The following POLQ variants were observed in gnomAD, a reference collection of about 807,000 sequenced individuals.
POLQ encodes the protein epididymis secretory sperm binding protein.
In POLQ, 233 loss-of-function variants were observed where a neutral mutation model predicts 259.2. The observed-to-expected ratio is 0.90, with a 90% CI of 0.81 to 1.00. The LOEUF is 1.00. Among genes scored for constraint, POLQ ranks in the 50% least tolerant of loss-of-function variants. The pLI is 0.00. For missense variants in POLQ, 2,871 were observed against 3,051.6 expected, an observed-to-expected ratio of 0.94 and a Z score of 1.39; for synonymous variants, 1,025 against 1,048.8, an observed-to-expected ratio of 0.98 and a Z score of 0.44.
At chr3:121,436,421 G>T in intron 27 of POLQ, 146 bp from the exon 28 acceptor site, 1 of 678,900 alleles carries the variant, frequency 1.5e-6, no homozygotes, top group Non-Finnish European at 2.5e-6. Flanking sequence ...CTATTAGGCT[G>T]CATCCTAAGA....
At chr3:121,517,674 T>A (rs1368727576) in intron 9 of POLQ, among the ~76,000 whole-genome samples, 1 of 152,210 alleles carries the variant, frequency 6.6e-6, no homozygotes, top group African/African-American at 2.4e-5. Flanking sequence ...GCTCTTTGCT[T>A]CCTCATCTTC....
chr3:121,467,846 G>A (rs1576407565), intron 23 of POLQ, among the ~76,000 whole-genome samples: 1 of 152,250 alleles, frequency 6.6e-6, no homozygotes, highest in East Asian at 1.9e-4. Flanking sequence ...TTCGGGTCTA[G>A]TTAGGGCAAC....
At chr3:121,536,490 T>C (rs1200049310) in intron 5 of POLQ, among the ~76,000 whole-genome samples, 3 of 152,146 alleles carry the variant, frequency 2.0e-5, no homozygotes, top group African/African-American at 7.2e-5. Flanking sequence ...AATATTTTTT[T>C]CAAAATTAGC....
chr3:121,522,930 C>A lies in POLQ; in HGVS notation c.1109-781G>T, dbSNP rs199904092. On this transcript the variant is annotated intron_variant, in intron 7 of 29. Transcript: ENST00000264233. ...CAATCCCGTCACGAAAAAGCCTACT[C>A]CTCTGTGAAATTATTCTTGCCTCTT... is the stretch of plus-strand genomic sequence containing the variant. 1.2e-4 allele frequency among the ~76,000 whole-genome samples: 18 copies of A among 152,324 alleles called. No homozygotes were observed. In the East Asian group the frequency reaches 3.5e-3, roughly 29 times the overall value.
chr3:121,476,619 T>C lies in POLQ; in HGVS notation c.6326A>G (p.Lys2109Arg). The change falls in exon 20 of 30, where the codon AAG (lysine) becomes AGG (arginine). Residue 2109 changes from lysine to arginine, a missense_variant. Physicochemically the swap from Lys to Arg is conservative, Grantham distance 26. Coordinates refer to ENST00000264233, the MANE Select transcript of POLQ (RefSeq NM_199420.4). ...GGCCTGGGTCTCAATTGCATCCAGC[T>C]TGGCTTGCATTATATGTTTCTGACT... is the stretch of plus-strand genomic sequence containing the variant. Reference protein sequence around the residue: ...CESQKHIMQAKLDAIETQAYQ... With the variant: ...CESQKHIMQARLDAIETQAYQ... 2 of 1,613,998 alleles carry C rather than the reference T, an allele frequency of 1.2e-6. No homozygotes were observed. The highest frequency in any genetic ancestry group is 1.6e-4 in the Middle Eastern group (1 of 6,062).
Position 121,476,619 on chromosome 3 carries a change from T to G in POLQ, c.6326A>C (p.Lys2109Thr). 1 of 1,613,998 alleles carries G rather than the reference T, an allele frequency of 6.2e-7. No homozygotes were observed. Among genetic ancestry groups the G allele is most frequent in the Non-Finnish European group, 8.5e-7 (1 of 1,179,900 alleles). Residue 2109 changes from lysine (K) to threonine (T), a missense_variant, in exon 20 of 30, where the codon AAG (lysine) becomes ACG (threonine). This residue lies in a region of POLQ where 2,080 missense variants were observed against 2,126.0 expected (regional missense o/e 0.98). Transcript: ENST00000264233. Reference sequence around the variant, plus strand: ...GGCCTGGGTCTCAATTGCATCCAGCTTGGCTTGCATTATATGTTTCTGACT... The same window carrying G: ...GGCCTGGGTCTCAATTGCATCCAGCGTGGCTTGCATTATATGTTTCTGACT... ...CESQKHIMQAKLDAIETQAYQ... is the reference protein window; with the variant it reads ...CESQKHIMQATLDAIETQAYQ...
chr3:121,457,828 G>A (rs1247261954), intron 25 of POLQ, among the ~76,000 whole-genome samples: 5 of 152,130 alleles, frequency 3.3e-5, no homozygotes, highest in Non-Finnish European at 5.9e-5. Flanking sequence ...TCAGTGTGGC[G>A]ATTCCTCAGG....
rs1362662246 is a variant in POLQ, at chr3:121,488,433, C to G, written c.4498G>C (p.Val1500Leu). ...LFDSFSDDYL[V>L]KEQLPDMQMK... is the part of the protein sequence containing the mutation. ...TGCATATCAGGTAATTGTTCTTTTA[C>G]TAGATAGTCATCACTGAAGCTATCA... The change falls in exon 16 of 30, where the codon GTA (valine) becomes CTA (leucine). Residue 1500 changes from valine (V) to leucine (L), a missense_variant. Val to Leu is a conservative substitution (Grantham distance 32, BLOSUM62 1). Transcript: ENST00000264233. 1.2e-6 allele frequency: 2 copies of G among 1,612,430 alleles called. No homozygotes were observed. The highest frequency in any genetic ancestry group is 1.7e-6 in the Non-Finnish European group (2 of 1,179,298).
intron 24 of POLQ, among the ~76,000 whole-genome samples, chr3:121,462,666 A>T (rs1475632254): frequency 1.3e-5 from 2 of 152,318 alleles, no homozygotes; most frequent in African/African-American, 4.8e-5. Context: ...CTGAACAACT[A>T]CTTCAACAAC....
chr3:121,443,412 A>T (rs2047609295), intron 26 of POLQ, among the ~76,000 whole-genome samples: 1 of 152,208 alleles, frequency 6.6e-6, no homozygotes, highest in South Asian at 2.1e-4. Context: ...TTTATTTGAG[A>T]AATGTCTGTT....
At chr3:121,459,538 C>G (rs1346442597) in intron 25 of POLQ, among the ~76,000 whole-genome samples, 2 of 151,994 alleles carry the variant, frequency 1.3e-5, no homozygotes, top group Non-Finnish European at 2.9e-5. Flanking sequence ...CCCACCACCA[C>G]GGCCAGCTAA....
In POLQ at chr3:121,510,066, T is replaced by C. The variant is rs747103097; in HGVS notation, c.1789A>G (p.Ser597Gly). ...MWLLENEFIQ[S>G]TEASDGTEGK... Reference sequence around the variant, plus strand: ...TCTGTTCCATCACTGGCTTCTGTACTCTGGATGAATTCATTTTCTAGTAGC... The same window carrying C: ...TCTGTTCCATCACTGGCTTCTGTACCCTGGATGAATTCATTTTCTAGTAGC... Residue 597 changes from serine (S) to glycine (G), a missense_variant, in exon 11 of 30, where the codon AGT becomes GGT. Physicochemically the swap from Ser to Gly is moderately conservative, Grantham distance 56 (BLOSUM62 0). Coordinates refer to ENST00000264233, the MANE Select transcript of POLQ (RefSeq NM_199420.4). 23 of 1,613,886 alleles carry C rather than the reference T, an allele frequency of 1.4e-5. No individual in the cohort carries two copies. Among genetic ancestry groups the C allele is most frequent in the Middle Eastern group, 1.6e-4 (1 of 6,084 alleles).
At chr3:121,493,791 T>TA (rs1176000597) in intron 14 of POLQ, 70 bp from the exon 15 acceptor site, 37 of 1,414,394 alleles carry the variant, frequency 2.6e-5, no homozygotes, top group Non-Finnish European at 3.6e-5. Context: ...TCTTTAGATG[T>TA]ATTTATATTT....
At chr3:121,525,464 GA>G (rs1476697115) in intron 7 of POLQ, among the ~76,000 whole-genome samples, 2 of 152,176 alleles carry the variant, frequency 1.3e-5, no homozygotes, top group Admixed American at 6.5e-5. Context: ...AGGAGAAACA[GA>G]AGGGGTTCAT....
rs758239782 is a variant in POLQ, at chr3:121,468,323, C to A, written c.6827G>T (p.Gly2276Val). 3 of 1,613,064 alleles carry A rather than the reference C, an allele frequency of 1.9e-6. No homozygotes were observed. The highest frequency in any genetic ancestry group is 1.7e-4 in the Middle Eastern group (1 of 6,056). The change falls in exon 23 of 30, where the codon GGC becomes GTC. Residue 2276 changes from glycine to valine, a missense_variant. Gly to Val is a moderately radical substitution (Grantham distance 109). Coordinates refer to ENST00000264233, the MANE Select transcript of POLQ (RefSeq NM_199420.4). ...CACCTACCTGCCCATGGGAAGTAGG[C>A]CTTTGCCTACAGCTTGAGAAGGTGG... ...ESPPSQAVGK[G>V]LLPMGRGKYK... is the part of the protein sequence containing the mutation.
intron 9 of POLQ, among the ~76,000 whole-genome samples, chr3:121,518,778 A>G (rs2048316044): frequency 6.6e-6 from 1 of 151,182 alleles, no homozygotes; most frequent in South Asian, 2.1e-4. Flanking sequence ...TGACATATCT[A>G]ATAAAATACT....
At chr3:121,468,478 G>C in intron 22 of POLQ, 47 bp from the exon 23 acceptor site, 1 of 1,419,068 alleles carries the variant, frequency 7.0e-7, no homozygotes, top group Non-Finnish European at 9.8e-7. Context: ...AAAAAATCTA[G>C]TATTTGTCTT....
chr3:121,522,204 T>C (rs2048341351), intron 7 of POLQ, 55 bp from the exon 8 acceptor site: 1 of 1,428,722 alleles, frequency 7.0e-7, no homozygotes, highest in Non-Finnish European at 9.5e-7. Flanking sequence ...TCTTTAAGTG[T>C]ATCTGTCTAA....
At chr3:121,511,809 G>T in intron 10 of POLQ, 78 bp downstream of exon 10, 2 of 1,116,552 alleles carry the variant, frequency 1.8e-6, no homozygotes, top group Non-Finnish European at 2.6e-6. Context: ...AATAAATAAA[G>T]CTAAGATTTT....
Sources: allele counts gnomAD v4.1 joint callset (sites outside exome capture counted in the v4.1 genomes callset), GRCh38; gene constraint gnomAD v4.1.1; regional missense constraint gnomAD v4.1.1; transcripts MANE v1.5; gene names NCBI Gene and HGNC (gene_info 2026-07-23, HGNC 2026-07-21).